The following FAM168A variants were observed in gnomAD, a reference collection of about 807,000 sequenced individuals.
FAM168A encodes protein FAM168A.
FAM168A carries 3 observed loss-of-function variants against 28.5 expected under a neutral mutation model. That is an observed-to-expected ratio of 0.11 (90% CI 0.05 to 0.27). FAM168A has a LOEUF of 0.27. Ranked by LOEUF, FAM168A falls within the 10% of genes least tolerant of loss-of-function variation. FAM168A has a pLI of 1.00. For missense variants in FAM168A, 222 were observed against 311.5 expected (o/e 0.71, Z 2.16); for synonymous variants, 122 against 124.2 (o/e 0.98, Z 0.12).
intron 1 of FAM168A, among the ~76,000 whole-genome samples, chr11:73,471,409 TA>T (rs1565260553): frequency 6.6e-6 from 1 of 152,214 alleles, no homozygotes; most frequent in Non-Finnish European, 1.5e-5. Context: ...TTCCATATAG[TA>T]AAATTTTACC....
intron 1 of FAM168A, among the ~76,000 whole-genome samples, chr11:73,587,356 G>GTAATTT (rs1944327812): frequency 6.6e-6 from 1 of 151,974 alleles, no homozygotes; most frequent in African/African-American, 2.4e-5. Context: ...GCCGGGCATG[G>GTAATTT]TTTCGGGCAC....
At chr11:73,560,490 G>A (rs1431630158) in intron 1 of FAM168A, among the ~76,000 whole-genome samples, 2 of 152,158 alleles carry the variant, frequency 1.3e-5, no homozygotes, top group African/African-American at 4.8e-5. Context: ...AGAATGTAAA[G>A]TACATTAAGA....
intron 2 of FAM168A, among the ~76,000 whole-genome samples, chr11:73,438,823 T>C (rs563456628): frequency 6.6e-6 from 1 of 152,176 alleles, no homozygotes; most frequent in South Asian, 2.1e-4. Context: ...TACAAAGATG[T>C]TTAGGAGGCA....
Position 73,402,842 on chromosome 11 carries a change from T to C in FAM168A, c.*3921A>G, listed in dbSNP as rs1480718387. 6.6e-6 allele frequency: 1 copy of C among 152,182 alleles called. No individual in the cohort carries two copies. Among genetic ancestry groups the C allele is most frequent in the Non-Finnish European group, 1.5e-5 (1 of 68,038 alleles). 9.4% of individuals were successfully genotyped at this position (152,182 alleles called of 1,614,324 possible). ...CCAGTTAGATGTGCCTCTGGGTCCC[T>C]CCCCAGGGCTCATTACAGGTCCTGG... On this transcript the variant is annotated 3_prime_UTR_variant, in exon 8 of 8. Coordinates refer to ENST00000356467, the MANE Select transcript of FAM168A (RefSeq NM_015159.3).
At position 73,480,455 on chromosome 11, in the gene FAM168A, T is replaced by G. The variant is rs758544450; in HGVS notation, c.-18-11963A>C. 3.9e-4 allele frequency among the ~76,000 whole-genome samples: 60 copies of G among 152,210 alleles called. No individual in the cohort carries two copies. In the Middle Eastern group the frequency reaches 0.017, roughly 43 times the overall value. ...CTGCCTAAAGAACCCAACTATTCAT[T>G]AAACCACACAAGTACTCGGACCTTA... On this transcript the variant is annotated intron_variant, in intron 1 of 7. Transcript: ENST00000356467.
intron 1 of FAM168A, among the ~76,000 whole-genome samples, chr11:73,594,467 A>G (rs1303145291): frequency 3.3e-5 from 5 of 152,188 alleles, no homozygotes; most frequent in Non-Finnish European, 5.9e-5. Flanking sequence ...TAAGTGTACA[A>G]TTCAGTGGTA....
At chr11:73,437,267 T>TA (rs1867105929) in intron 2 of FAM168A, among the ~76,000 whole-genome samples, 1 of 151,382 alleles carries the variant, frequency 6.6e-6, no homozygotes, top group Admixed American at 6.6e-5. Context: ...CTGGCTAATT[T>TA]TTGTATTCTT....
At chr11:73,414,489 CTG>C (rs1866666481) in intron 4 of FAM168A, among the ~76,000 whole-genome samples, 2 of 152,176 alleles carry the variant, frequency 1.3e-5, no homozygotes, top group Admixed American at 1.3e-4. Context: ...TCTGAAAGCT[CTG>C]TAGCACAGAG....
At chr11:73,489,103 A>G (rs1868093870) in intron 1 of FAM168A, among the ~76,000 whole-genome samples, 2 of 151,264 alleles carry the variant, frequency 1.3e-5, no homozygotes, top group African/African-American at 4.9e-5. Flanking sequence ...CTGGTCTTGA[A>G]CTCCTGACCT....
chr11:73,555,882 C>A (rs1470349432), intron 1 of FAM168A, among the ~76,000 whole-genome samples: 1 of 152,052 alleles, frequency 6.6e-6, no homozygotes, highest in Non-Finnish European at 1.5e-5. Context: ...CCTTGTTAGT[C>A]TTGTTCACTG....
intron 1 of FAM168A, among the ~76,000 whole-genome samples, chr11:73,515,316 C>G (rs1383964170): frequency 6.6e-6 from 1 of 152,078 alleles, no homozygotes; most frequent in Non-Finnish European, 1.5e-5. Context: ...TCAAGACCAG[C>G]CTGACCAATA....
At chr11:73,464,028 G>A (rs77377637) in intron 2 of FAM168A, among the ~76,000 whole-genome samples, 2,412 of 152,236 alleles carry the variant, frequency 0.016, 64 homozygotes, top group African/African-American at 0.056. Flanking sequence ...GCTCATCTGA[G>A]ATCCTAATCA....
chr11:73,521,292 C>T (rs2134650935), intron 1 of FAM168A, among the ~76,000 whole-genome samples: 1 of 152,138 alleles, frequency 6.6e-6, no homozygotes, highest in East Asian at 1.9e-4. Context: ...ACACCCTATA[C>T]TACTATTGTG....
At chr11:73,487,413 A>G (rs942008473) in intron 1 of FAM168A, among the ~76,000 whole-genome samples, 2 of 152,158 alleles carry the variant, frequency 1.3e-5, no homozygotes, top group African/African-American at 4.8e-5. Context: ...ACCCTTCTCC[A>G]TAAAAACATT....
intron 1 of FAM168A, among the ~76,000 whole-genome samples, chr11:73,549,285 C>T (rs529485274): frequency 6.6e-6 from 1 of 152,168 alleles, no homozygotes; most frequent in Non-Finnish European, 1.5e-5. Flanking sequence ...CTTAATTGTA[C>T]TTGCTTATTT....
chr11:73,420,408 A>G (rs1866771432), intron 3 of FAM168A, among the ~76,000 whole-genome samples: 1 of 152,192 alleles, frequency 6.6e-6, no homozygotes, highest in Non-Finnish European at 1.5e-5. Flanking sequence ...TGTCTGAAAT[A>G]TCATCTGGAG....
intron 5 of FAM168A, 64 bp from the exon 6 acceptor site, chr11:73,409,725 G>A: frequency 2.0e-6 from 3 of 1,500,166 alleles, no homozygotes; most frequent in Admixed American, 2.1e-5. Flanking sequence ...GGAGAGAGCA[G>A]CACTGGCTGA....
chr11:73,526,542 T>A (rs902869119), intron 1 of FAM168A, among the ~76,000 whole-genome samples: 3 of 152,114 alleles, frequency 2.0e-5, no homozygotes, highest in African/African-American at 7.2e-5. Flanking sequence ...TAAGAGTAGC[T>A]AACTTGCTTA....
At chr11:73,532,706 T>C (rs1198476235) in intron 1 of FAM168A, among the ~76,000 whole-genome samples, 1 of 152,268 alleles carries the variant, frequency 6.6e-6, no homozygotes, top group Non-Finnish European at 1.5e-5. Context: ...TTTACTACAG[T>C]TCAAACCATT....
Sources: allele counts gnomAD v4.1 joint callset (sites outside exome capture counted in the v4.1 genomes callset), GRCh38; gene constraint gnomAD v4.1.1; transcripts MANE v1.5; gene names NCBI Gene and HGNC (gene_info 2026-07-23, HGNC 2026-07-21).